The following TRHDE variants were observed in gnomAD, a reference collection of about 807,000 sequenced individuals.
TRHDE encodes thyrotropin-releasing hormone-degrading ectoenzyme.
TRHDE carries 72 observed loss-of-function variants against 125.7 expected under a neutral mutation model. The ratio of observed to expected loss-of-function variants is 0.57; its 90% CI spans 0.47 to 0.70. The LOEUF is 0.70. Ranked by LOEUF, TRHDE falls within the 30% of genes least tolerant of loss-of-function variation. The pLI is 0.00. For synonymous variants in TRHDE, 509 were observed against 509.1 expected, an observed-to-expected ratio of 1.00 and a Z score of 0.00; for missense variants, 1,110 against 1,327.1, an observed-to-expected ratio of 0.84 and a Z score of 2.54.
chr12:72,110,986 G>A (rs1292684491), intron 2 of TRHDE, among the ~76,000 whole-genome samples: 1 of 152,108 alleles, frequency 6.6e-6, no homozygotes, highest in Non-Finnish European at 1.5e-5. Flanking sequence ...GGCAATCTAT[G>A]TTTGTGAAAT....
intron 2 of TRHDE, among the ~76,000 whole-genome samples, chr12:72,169,926 G>C (rs1339112632): frequency 6.6e-6 from 1 of 152,056 alleles, no homozygotes; most frequent in Admixed American, 6.6e-5. Flanking sequence ...GGACTTTGGG[G>C]TTAGATCTTA....
chr12:72,273,819 C>A lies in TRHDE; in HGVS notation c.914+262C>A. 1 of 442,970 alleles carries A rather than the reference C, an allele frequency of 2.3e-6. No individual in the cohort carries two copies. The highest frequency in any genetic ancestry group is 5.5e-5 in the South Asian group (1 of 18,288). The allele number at this position is 442,970 out of a possible 1,614,324, so 27.4% of individuals were successfully genotyped here. On this transcript the variant is annotated intron_variant, in intron 1 of 18. Transcript: ENST00000261180. This position sits in a 1 kb window ranked among gnomAD's most constrained non-coding sequence, Gnocchi z 5.3. Reference sequence around the variant, plus strand: ...CCCTCCTCTAGTCGGGACCTCTCCTCTTCCTGTCAGAGTTCCTTAGCCATC... The same window carrying A: ...CCCTCCTCTAGTCGGGACCTCTCCTATTCCTGTCAGAGTTCCTTAGCCATC...
At chr12:72,179,610 C>G (rs531117588) in intron 2 of TRHDE, among the ~76,000 whole-genome samples, 12 of 152,108 alleles carry the variant, frequency 7.9e-5, no homozygotes, top group Non-Finnish European at 1.3e-4. Flanking sequence ...TTCTGATCCT[C>G]TCAGTGAGAT....
chr12:72,550,986 CTT>C (rs1869645867), intron 7 of TRHDE, among the ~76,000 whole-genome samples: 1 of 151,886 alleles, frequency 6.6e-6, no homozygotes, highest in Non-Finnish European at 1.5e-5. Flanking sequence ...GCATTTCACT[CTT>C]TTCATTTATT....
At chr12:72,499,663 A>T in intron 6 of TRHDE, 28 bp downstream of exon 6, 2 of 1,608,176 alleles carry the variant, frequency 1.2e-6, no homozygotes. Context: ...AGTGCCAATT[A>T]GATATTTCAT....
At chr12:72,473,654 A>G in intron 5 of TRHDE, among the ~76,000 whole-genome samples, 1 of 152,254 alleles carries the variant, frequency 6.6e-6, no homozygotes, top group East Asian at 1.9e-4. Context: ...AATTTTATAT[A>G]TGAAGTTATT....
intron 2 of TRHDE, among the ~76,000 whole-genome samples, chr12:72,157,696 C>T (rs780459750): frequency 1.3e-5 from 2 of 152,124 alleles, no homozygotes; most frequent in African/African-American, 4.8e-5. Context: ...ATAAGAAGTT[C>T]GTTTGAGTAT....
chr12:72,102,038 A>G (rs1179550699), intron 1 of TRHDE, among the ~76,000 whole-genome samples: 1 of 152,204 alleles, frequency 6.6e-6, no homozygotes, highest in Non-Finnish European at 1.5e-5. Flanking sequence ...CTTTGCTTAA[A>G]GCAAGGGCCT....
chr12:72,292,567 A>G (rs1301116403), intron 2 of TRHDE, among the ~76,000 whole-genome samples: 2 of 152,330 alleles, frequency 1.3e-5, no homozygotes, highest in East Asian at 3.9e-4. Context: ...CTCATTTTCC[A>G]TAGCATTACA....
Position 72,497,132 on chromosome 12 carries a change from C to G in TRHDE, c.1585-2366C>G, listed in dbSNP as rs534948515. On this transcript the variant is annotated intron_variant, in intron 5 of 18. Transcript: ENST00000261180. ...ATATCGTTCTCTCCAACAAGGTAGACAGATAAATCGTTTGCTAATGATTTA... is the reference window on the plus strand; with the variant it reads ...ATATCGTTCTCTCCAACAAGGTAGAGAGATAAATCGTTTGCTAATGATTTA... Among the ~76,000 whole-genome samples, 23 of 152,120 alleles carry G rather than the reference C, an allele frequency of 1.5e-4. No individual in the cohort carries two copies. In the South Asian group the frequency reaches 3.5e-3, roughly 23 times the overall value.
chr12:72,417,829 A>G (rs1873794770), intron 3 of TRHDE, among the ~76,000 whole-genome samples: 1 of 151,966 alleles, frequency 6.6e-6, no homozygotes, highest in Non-Finnish European at 1.5e-5. Context: ...TTTACTGACC[A>G]GATTTCATTA....
chr12:72,225,902 G>A (rs189829488), intron 2 of TRHDE, among the ~76,000 whole-genome samples: 10 of 152,310 alleles, frequency 6.6e-5, no homozygotes, highest in East Asian at 1.9e-4. Flanking sequence ...ACCAGAGACC[G>A]ATTGTTAATT....
intron 3 of TRHDE, among the ~76,000 whole-genome samples, chr12:72,460,741 T>C (rs1301543938): frequency 6.6e-6 from 1 of 152,152 alleles, no homozygotes; most frequent in Non-Finnish European, 1.5e-5. Flanking sequence ...TCTGTGTTCA[T>C]ACCTAGTCAT....
Position 72,131,208 on chromosome 12 carries a change from A to G in TRHDE, n.279+25456A>G, listed in dbSNP as rs560110097. Among the ~76,000 whole-genome samples, 3 of 150,942 alleles carry G rather than the reference A, an allele frequency of 2.0e-5. No homozygotes were observed. The Admixed American group carries it at 2.0e-4, about 10-fold the overall frequency. The stretch of plus-strand genomic sequence containing the variant: ...TGCCTCAGCCTCCGGAGTAGCTGGG[A>G]CTACAGGCGCCCGCCACCACGCCCG... On this transcript the variant is annotated intron_variant and non_coding_transcript_variant, in intron 2 of 4. Coordinates refer to the TRHDE transcript ENST00000548156.
At chr12:72,211,113 C>G (rs563711037) in intron 2 of TRHDE, among the ~76,000 whole-genome samples, 2 of 152,152 alleles carry the variant, frequency 1.3e-5, no homozygotes, top group Non-Finnish European at 2.9e-5. Flanking sequence ...CAAACAGGAA[C>G]CCTCTGTCTT....
chr12:72,658,804 G>A (rs1874805289), intron 18 of TRHDE, among the ~76,000 whole-genome samples: 1 of 152,160 alleles, frequency 6.6e-6, no homozygotes, highest in Non-Finnish European at 1.5e-5. Flanking sequence ...TCTCTAAGTG[G>A]CATGAGGAAT....
At chr12:72,572,401 C>T (rs1424903477) in intron 10 of TRHDE, among the ~76,000 whole-genome samples, 2 of 152,100 alleles carry the variant, frequency 1.3e-5, no homozygotes, top group East Asian at 3.9e-4. Flanking sequence ...TTATTATTGC[C>T]AGCATCAAGA....
chr12:72,263,407 G>A (rs1353732191), intron 2 of TRHDE: 3 of 150,758 alleles, frequency 2.0e-5, no homozygotes, highest in Non-Finnish European at 4.4e-5. Context: ...GTTTTGTTTT[G>A]TTTTGTTTTG....
rs367646408 is a variant in TRHDE, at chr12:72,346,282, G to T, written c.1189-31713G>T. On this transcript the variant is annotated intron_variant, in intron 2 of 18. Coordinates refer to ENST00000261180, the MANE Select transcript of TRHDE (RefSeq NM_013381.3). ...GTTGATGAATCTTGAAGGAATTTAA[G>T]TTCTGAAAGATCTGTGAGAGCAGAG... Among the ~76,000 whole-genome samples, 74 of 152,162 alleles carry T rather than the reference G, an allele frequency of 4.9e-4. 2 individuals carry two copies. In the South Asian group the frequency reaches 0.015, roughly 31 times the overall value.
Sources: gnomAD v4.1 joint callset for allele counts (sites outside exome capture counted in the v4.1 genomes callset) on GRCh38, gnomAD v4.1.1 for gene constraint, Gnocchi (gnomAD v3.1) non-coding constraint, MANE v1.5 for transcripts, NCBI Gene and HGNC (gene_info 2026-07-23, HGNC 2026-07-21) for gene names.